Variants in BLTP1 observed in about 807,000 individuals in gnomAD.
The protein encoded by BLTP1 is bridge-like lipid transfer protein family member 1, also known as fragile site-associated protein.
chr4:122,227,134 A>T, the BLTP1 span: 1 of 877,182 alleles, frequency 1.1e-6, no homozygotes, highest in Non-Finnish European at 1.4e-6. Flanking sequence ...GGATATGGCT[A>T]TATATTTATG....
At chr4:122,349,083 C>T in the BLTP1 span, 1 of 1,252,218 alleles carries the variant, frequency 8.0e-7, no homozygotes, top group East Asian at 2.5e-5. The surrounding 1 kb of genome is among the most constrained non-coding windows in gnomAD (Gnocchi z 4.5). Flanking sequence ...GATTTAACTC[C>T]TTTTTAATTT....
chr4:122,232,164 G>A, the BLTP1 span: 4 of 963,418 alleles, frequency 4.2e-6, no homozygotes, highest in South Asian at 1.4e-4. Flanking sequence ...AGAGTCTGGG[G>A]TTTTTATCTT....
At chr4:122,349,423 C>T in the BLTP1 span, 5 of 1,561,568 alleles carry the variant, frequency 3.2e-6, no homozygotes, top group Non-Finnish European at 4.4e-6. This position sits in a 1 kb window ranked among gnomAD's most constrained non-coding sequence, Gnocchi z 4.5. Flanking sequence ...ACATGTCTGT[C>T]AAAATTAATT....
chr4:122,152,902 G>A, the BLTP1 span: 7 of 735,488 alleles, frequency 9.5e-6, no homozygotes, highest in African/African-American at 9.6e-5. Context: ...CCGTGCACCC[G>A]CAGGCTCGGA....
the BLTP1 span, chr4:122,270,953 T>TA: frequency 6.8e-7 from 1 of 1,471,922 alleles, no homozygotes; most frequent in Non-Finnish European, 9.0e-7. Context: ...TATAAATTAA[T>TA]AAAGATGTAT....
At chr4:122,269,360 A>G in the BLTP1 span, 1 of 961,698 alleles carries the variant, frequency 1.0e-6, no homozygotes. Context: ...CTAGACCTTC[A>G]TTTGAGCACA....
chr4:122,188,054 C>A, the BLTP1 span: 1 of 1,550,860 alleles, frequency 6.4e-7, no homozygotes, highest in Admixed American at 2.0e-5. Context: ...CATGCTTGTT[C>A]CTAGTCCAAG....
At chr4:122,280,621 C>A in the BLTP1 span, among the ~76,000 whole-genome samples, 1 of 149,068 alleles carries the variant, frequency 6.7e-6, no homozygotes. Context: ...CAAGACTGCA[C>A]CATTGCACTC....
At chr4:122,156,720 C>A in the BLTP1 span, among the ~76,000 whole-genome samples, 4,509 of 152,210 alleles carry the variant, frequency 0.03, 228 homozygotes, top group African/African-American at 0.1. Flanking sequence ...GATATAAGCA[C>A]ATGTTTATTT....
At chr4:122,292,788 CAT>C in the BLTP1 span, 1 of 185,732 alleles carries the variant, frequency 5.4e-6, no homozygotes, top group Non-Finnish European at 1.0e-5. Context: ...AAATGAGACA[CAT>C]CGAAGTTATT....
chr4:122,332,629 C>CT, the BLTP1 span, among the ~76,000 whole-genome samples: 45,033 of 142,398 alleles, frequency 0.32, 7,468 homozygotes, highest in South Asian at 0.54. Flanking sequence ...TAAAAGTTTG[C>CT]TTTTTTTTTT....
the BLTP1 span, chr4:122,337,068 C>T: frequency 6.7e-7 from 1 of 1,495,414 alleles, no homozygotes; most frequent in South Asian, 1.2e-5. Context: ...AAATGTTTTT[C>T]TTAAGTTTAT....
At chr4:122,163,870 C>T in the BLTP1 span, among the ~76,000 whole-genome samples, 9 of 152,290 alleles carry the variant, frequency 5.9e-5, no homozygotes, top group East Asian at 3.9e-4. Flanking sequence ...TTTGATTCTA[C>T]TGTTGTTCCA....
the BLTP1 span, chr4:122,247,142 C>T: frequency 6.3e-7 from 1 of 1,594,064 alleles, no homozygotes; most frequent in South Asian, 1.1e-5. Flanking sequence ...ATTTTACTCT[C>T]TTTTTTTTCA....
chr4:122,258,912 T>G, the BLTP1 span: 1 of 942,904 alleles, frequency 1.1e-6, no homozygotes. Context: ...TTATCTCAAA[T>G]TTAAATGTTA....
the BLTP1 span, chr4:122,162,592 C>T: frequency 1.2e-5 from 12 of 985,054 alleles, no homozygotes; most frequent in Middle Eastern, 5.2e-4. Flanking sequence ...GCTGTGGTGA[C>T]GAAAGTCCTC....
At chr4:122,235,474 T>C in the BLTP1 span, 6 of 980,176 alleles carry the variant, frequency 6.1e-6, no homozygotes, top group Non-Finnish European at 7.3e-6. Flanking sequence ...ATAGTAAAAT[T>C]AAACATGTCA....
chr4:122,348,974 G>A, the BLTP1 span: 5 of 576,726 alleles, frequency 8.7e-6, no homozygotes, highest in South Asian at 3.4e-5. Context: ...CTAGCTAGGA[G>A]TAAAGCTTCA....
At chr4:122,154,006 A>G in the BLTP1 span, 3 of 985,104 alleles carry the variant, frequency 3.0e-6, no homozygotes, top group East Asian at 3.4e-4. Flanking sequence ...ATAATTAGTT[A>G]AAATGCCATA....
Sources: allele counts gnomAD v4.1 joint callset (sites outside exome capture counted in the v4.1 genomes callset), GRCh38; gene constraint gnomAD v4.1.1; non-coding constraint Gnocchi (gnomAD v3.1); transcripts MANE v1.5; gene names NCBI Gene and HGNC (gene_info 2026-07-23, HGNC 2026-07-21).